VPS13D: variants seen among roughly 807,000 people sequenced by gnomAD.
VPS13D encodes intermembrane lipid transfer protein VPS13D.
In VPS13D, 187 loss-of-function variants were observed where a neutral mutation model predicts 461.9. The observed-to-expected ratio is 0.40, with a 90% CI of 0.36 to 0.46. The LOEUF is 0.46. Among genes scored for constraint, VPS13D ranks in the 20% least tolerant of loss-of-function variants. VPS13D has a pLI of 0.60. For synonymous variants in VPS13D, 1,951 were observed against 1,986.3 expected, an observed-to-expected ratio of 0.98 and a Z score of 0.47; for missense variants, 4,711 against 5,364.9, an observed-to-expected ratio of 0.88 and a Z score of 3.81.
Position 12,278,003 on chromosome 1 carries a change from G to A in VPS13D, c.4415G>A (p.Arg1472Gln). 1.2e-6 allele frequency: 2 copies of A among 1,613,946 alleles called. No homozygotes were observed. Among genetic ancestry groups the A allele is most frequent in the Non-Finnish European group, 1.7e-6 (2 of 1,179,942 alleles). The stretch of plus-strand genomic sequence containing the variant: ...AGTCAGGAGGAAGCTCATTTCACAC[G>A]ACATGATTTCTTTGAATCTTTGCAT... ...ANSQEEAHFT[R>Q]HDFFESLHRG... The change falls in exon 19 of 70, where the codon CGA becomes CAA. Residue 1472 changes from arginine to glutamine, a missense_variant. Arg to Gln is a conservative substitution (Grantham distance 43). Coordinates refer to ENST00000620676, the MANE Select transcript of VPS13D (RefSeq NM_015378.4).
chr1:12,282,959 A>G lies in VPS13D; in HGVS notation c.4857A>G (p.Gln1619=). The G allele has an allele frequency of 3.1e-6, 5 of 1,614,186 alleles. No individual in the cohort carries two copies. The highest frequency in any genetic ancestry group is 4.2e-6 in the Non-Finnish European group (5 of 1,180,022). ...VKEVKSFTQI[Q]ATFCISELQV... is the part of the protein sequence containing the mutation. ...AAGTCAAATCCTTTACTCAGATTCA[A>G]GCCACCTTTTGTATATCAGAGCTTC... The change falls in exon 21 of 70, where the codon CAA becomes CAG. Residue 1619 remains glutamine, a synonymous_variant. Coordinates refer to ENST00000620676, the MANE Select transcript of VPS13D (RefSeq NM_015378.4).
Position 12,282,599 on chromosome 1 carries a change from T to G in VPS13D, c.4603-106T>G, listed in dbSNP as rs1569794303. The G allele has an allele frequency of 9.0e-6, 10 of 1,116,786 alleles. No individual in the cohort carries two copies. The East Asian group carries it at 2.4e-4, about 26-fold the overall frequency. 69.2% of individuals were successfully genotyped at this position (1,116,786 alleles called of 1,614,324 possible). Reference sequence around the variant, plus strand: ...GAGATAGTCTTTGCTATCAGGTAACTTACAGCCTCATGTAGGAATCATGTG... The same window carrying G: ...GAGATAGTCTTTGCTATCAGGTAACGTACAGCCTCATGTAGGAATCATGTG... On this transcript the variant is annotated intron_variant, in intron 20 of 69. Transcript: ENST00000620676.
Position 12,335,765 on chromosome 1 carries a change from T to C in VPS13D, c.8489T>C (p.Ile2830Thr). Residue 2830 changes from isoleucine (I) to threonine (T), a missense_variant, in exon 39 of 70, where the codon ATA (isoleucine) becomes ACA (threonine). Coordinates refer to ENST00000620676, the MANE Select transcript of VPS13D (RefSeq NM_015378.4). ...MADYCKDDKD[I>T]ESAKSEDWMG... is the part of the protein sequence containing the mutation. ...GATTACTGTAAAGATGACAAGGACA[T>C]AGAGTCAGCTAAATCAGAAGACTGG... is the stretch of plus-strand genomic sequence containing the variant. 6.2e-7 allele frequency: 1 copy of C among 1,614,154 alleles called. No individual in the cohort carries two copies. Among genetic ancestry groups the C allele is most frequent in the Middle Eastern group, 1.6e-4 (1 of 6,062 alleles).
chr1:12,373,310 G>C (rs903513056), intron 54 of VPS13D, among the ~76,000 whole-genome samples: 3 of 151,554 alleles, frequency 2.0e-5, no homozygotes, highest in Admixed American at 1.3e-4. Context: ...TAATAGAGAC[G>C]GGATTTTGCC....
rs776929573 is a variant in VPS13D, at chr1:12,261,944, G to T, written c.1458G>T (p.Met486Ile). The T allele has an allele frequency of 5.0e-6, 8 of 1,613,616 alleles. No individual in the cohort carries two copies. The highest frequency in any genetic ancestry group is 6.8e-6 in the Non-Finnish European group (8 of 1,179,666). Residue 486 changes from methionine to isoleucine, a missense_variant, in exon 13 of 70, where the codon ATG becomes ATT. Physicochemically the swap from Met to Ile is conservative, Grantham distance 10. Transcript: ENST00000620676. ...FFDPTADASCMNTYTKRDHVF... is the reference protein window; with the variant it reads ...FFDPTADASCINTYTKRDHVF... ...ACCCCACTGCAGATGCCTCGTGTATGAACACGTATACAAAGCGAGATCATG... is the reference window on the plus strand; with the variant it reads ...ACCCCACTGCAGATGCCTCGTGTATTAACACGTATACAAAGCGAGATCATG...
intron 13 of VPS13D, among the ~76,000 whole-genome samples, chr1:12,265,930 A>G (rs1641254261): frequency 6.6e-6 from 1 of 152,170 alleles, no homozygotes; most frequent in African/African-American, 2.4e-5. Context: ...AGGCCAAGGC[A>G]GGAGGATCAT....
Position 12,505,131 on chromosome 1 carries a change from G to T in VPS13D, c.12795-1722G>T, listed in dbSNP as rs575192687. ...GTGGCTGTGCACCAGGCCCACCGAT[G>T]CTCAGGGGTGTAGGCTGCTTCCGGG... On this transcript the variant is annotated intron_variant, in intron 68 of 69. Transcript: ENST00000620676. This position sits in a 1 kb window ranked among gnomAD's most constrained non-coding sequence, Gnocchi z 4.2. Among the ~76,000 whole-genome samples, 20 of 152,312 alleles carry T rather than the reference G, an allele frequency of 1.3e-4. No homozygotes were observed. The highest frequency in any genetic ancestry group is 4.8e-4 in the African/African-American group (20 of 41,564).
chr1:12,311,382 G>T (rs41279456), intron 27 of VPS13D, 72 bp from the exon 28 acceptor site: 1 of 1,445,392 alleles, frequency 6.9e-7, no homozygotes, highest in African/African-American at 1.4e-5. Context: ...TAGCCCCGTT[G>T]TTTGGGCGTG....
rs114168030 is a variant in VPS13D, at chr1:12,440,076, G to C, written c.12334-15922G>C. Among the ~76,000 whole-genome samples the C allele has an allele frequency of 1.9e-3, 296 of 152,334 alleles. 2 individuals are homozygous for C. Among genetic ancestry groups the C allele is most frequent in the African/African-American group, 6.6e-3 (275 of 41,572 alleles). On this transcript the variant is annotated intron_variant, in intron 65 of 69. Coordinates refer to ENST00000620676, the MANE Select transcript of VPS13D (RefSeq NM_015378.4). ...AGAATCTCTTAGCTCCCTAGATGCT[G>C]CCTGTTGGATACTCCACTAAGCTTT...
chr1:12,413,173 G>C lies in VPS13D; in HGVS notation c.12031-1914G>C, dbSNP rs78815467. Among the ~76,000 whole-genome samples the C allele has an allele frequency of 2.0e-5, 3 of 150,276 alleles. No homozygotes were observed. In the East Asian group the frequency reaches 5.8e-4, roughly 29 times the overall value. The stretch of plus-strand genomic sequence containing the variant: ...GTTCAGATTTTCTGGGTGTTTTTTT[G>C]TTTGTTTGTTTGTTTTTGTTTTTGG... On this transcript the variant is annotated intron_variant, in intron 63 of 69. Coordinates refer to ENST00000620676, the MANE Select transcript of VPS13D (RefSeq NM_015378.4).
chr1:12,411,380 C>T (rs1157417979), intron 63 of VPS13D, among the ~76,000 whole-genome samples: 2 of 151,868 alleles, frequency 1.3e-5, no homozygotes, highest in Non-Finnish European at 2.9e-5. Context: ...CACCTGTAAT[C>T]CCAGCACTTT....
At chr1:12,344,281 G>T (rs919178287) in intron 42 of VPS13D, among the ~76,000 whole-genome samples, 3 of 152,136 alleles carry the variant, frequency 2.0e-5, no homozygotes, top group Non-Finnish European at 4.4e-5. Context: ...GCTTTTTGTG[G>T]TGCTTTCAGT....
chr1:12,327,549 A>C (rs1441469192), intron 35 of VPS13D, 99 bp from the exon 36 acceptor site: 1 of 1,001,754 alleles, frequency 1.0e-6, no homozygotes, highest in African/African-American at 1.9e-5. Context: ...TTGGCTTCCC[A>C]GTAGGTCTCT....
chr1:12,313,888 A>C (rs188650011), intron 29 of VPS13D, among the ~76,000 whole-genome samples: 2 of 152,374 alleles, frequency 1.3e-5, no homozygotes, highest in Admixed American at 1.3e-4. Context: ...TCCTATGAAC[A>C]AGATCATCTC....
At chr1:12,356,365 G>T in intron 48 of VPS13D, 33 bp from the exon 49 acceptor site, 3 of 1,599,038 alleles carry the variant, frequency 1.9e-6, no homozygotes, top group Non-Finnish European at 2.6e-6. Context: ...AGACTGGGTG[G>T]TATTGATGTA....
At chr1:12,382,514 A>G (rs1483848081) in intron 57 of VPS13D, among the ~76,000 whole-genome samples, 1 of 152,158 alleles carries the variant, frequency 6.6e-6, no homozygotes, top group African/African-American at 2.4e-5. Context: ...TTGTCCAGCC[A>G]TAGGCCTGTT....
At position 12,279,380 on chromosome 1, in the gene VPS13D, C is replaced by G; in HGVS notation, c.4451-119C>G. On this transcript the variant is annotated intron_variant, in intron 19 of 69. Transcript: ENST00000620676. This position sits in a 1 kb window ranked among gnomAD's most constrained non-coding sequence, Gnocchi z 4.3. ...TCATAGACCCCGGGTGCCAGGCTAACCTGCCCTCCTGGTCTAAGTGTAACT... is the reference window on the plus strand; with the variant it reads ...TCATAGACCCCGGGTGCCAGGCTAAGCTGCCCTCCTGGTCTAAGTGTAACT... 1 of 1,203,296 alleles carries G rather than the reference C, an allele frequency of 8.3e-7. No individual in the cohort carries two copies. The highest frequency in any genetic ancestry group is 2.6e-5 in the East Asian group (1 of 38,468). The allele number at this position is 1,203,296 out of a possible 1,614,324, so 74.5% of individuals were successfully genotyped here.
At chr1:12,485,680 C>T (rs1645788592) in intron 67 of VPS13D, among the ~76,000 whole-genome samples, 1 of 152,020 alleles carries the variant, frequency 6.6e-6, no homozygotes, top group Admixed American at 6.6e-5. Flanking sequence ...GGTGGGCCCG[C>T]AGGGGATCTG....
At chr1:12,333,173 T>C (rs1643373332) in intron 37 of VPS13D, 53 bp from the exon 38 acceptor site, 1 of 1,588,876 alleles carries the variant, frequency 6.3e-7, no homozygotes, top group Admixed American at 1.8e-5. Flanking sequence ...AGTGTTCCCC[T>C]ATAAACTCTT....
Sources: allele counts gnomAD v4.1 joint callset (sites outside exome capture counted in the v4.1 genomes callset), GRCh38; gene constraint gnomAD v4.1.1; non-coding constraint Gnocchi (gnomAD v3.1); transcripts MANE v1.5; gene names NCBI Gene and HGNC (gene_info 2026-07-23, HGNC 2026-07-21).